The following MET variants were observed in gnomAD, a reference collection of about 807,000 sequenced individuals.
MET encodes hepatocyte growth factor receptor.
MET carries 48 observed loss-of-function variants against 133.1 expected under a neutral mutation model. The ratio of observed to expected loss-of-function variants is 0.36; its 90% CI spans 0.29 to 0.46. The LOEUF (loss-of-function observed/expected upper bound fraction) is 0.46. Among genes scored for constraint, MET ranks in the 20% least tolerant of loss-of-function variants. The pLI is 1.00. For missense variants in MET, 1,442 were observed against 1,695.9 expected, an observed-to-expected ratio of 0.85 and a Z score of 2.63; for synonymous variants, 628 against 616.5, an observed-to-expected ratio of 1.02 and a Z score of -0.28.
At chr7:116,743,763 G>A (rs1002609864) in intron 5 of MET, among the ~76,000 whole-genome samples, 4 of 152,280 alleles carry the variant, frequency 2.6e-5, no homozygotes, top group African/African-American at 7.2e-5. Flanking sequence ...AGCAGGGGTC[G>A]ACAGACACCT....
chr7:116,728,223 T>C (rs1323269142), intron 2 of MET, among the ~76,000 whole-genome samples: 1 of 152,240 alleles, frequency 6.6e-6, no homozygotes, highest in Non-Finnish European at 1.5e-5. Context: ...TTTTTAGCTC[T>C]AAATCACACA....
chr7:116,778,787 A>C lies in MET; in HGVS notation c.3352A>C (p.Ile1118Leu), dbSNP rs755234697. 6.2e-7 allele frequency: 1 copy of C among 1,613,876 alleles called. No individual in the cohort carries two copies. Among genetic ancestry groups the C allele is most frequent in the Non-Finnish European group, 8.5e-7 (1 of 1,179,936 alleles). ...AVKSLNRITD[I>L]GEVSQFLTEG... The stretch of plus-strand genomic sequence containing the variant: ...ACTGGATTTCTCAGGAATCACTGAC[A>C]TAGGAGAAGTTTCCCAATTTCTGAC... Residue 1118 changes from isoleucine to leucine, a missense_variant, in exon 17 of 21, where the codon ATA becomes CTA. Transcript: ENST00000397752.
At position 116,731,821 on chromosome 7, in the gene MET, A is replaced by G. The variant is rs1793018926; in HGVS notation, c.1354A>G (p.Ile452Val). 1.2e-6 allele frequency: 2 copies of G among 1,614,106 alleles called. No homozygotes were observed. The highest frequency in any genetic ancestry group is 1.1e-5 in the South Asian group (1 of 91,084). Residue 452 changes from isoleucine to valine, a missense_variant, in exon 3 of 21, where the codon ATA becomes GTA. By Grantham distance (29) the Ile-to-Val change is conservative (BLOSUM62 3). Around this residue, in one of 6 missense-constraint regions of MET, gnomAD observed 762 missense variants for 792.4 expected, o/e 0.96. Transcript: ENST00000397752. Reference sequence around the variant, plus strand: ...CACCTTCATTAAAGGAGACCTCACCATAGCTAATCTTGGGACATCAGAGGG... The same window carrying G: ...CACCTTCATTAAAGGAGACCTCACCGTAGCTAATCTTGGGACATCAGAGGG... ...ISTFIKGDLT[I>V]ANLGTSEGRF...
intron 2 of MET, among the ~76,000 whole-genome samples, chr7:116,729,716 A>G (rs1242004149): frequency 6.6e-6 from 1 of 152,170 alleles, no homozygotes; most frequent in African/African-American, 2.4e-5. Flanking sequence ...ACCAATTCCC[A>G]GCTATCTCCT....
At chr7:116,729,472 A>G (rs1792912371) in intron 2 of MET, among the ~76,000 whole-genome samples, 1 of 152,242 alleles carries the variant, frequency 6.6e-6, no homozygotes, top group Admixed American at 6.5e-5. Flanking sequence ...ATACAGAAGG[A>G]TAACTAAACT....
chr7:116,772,049 A>G (rs2116999129), intron 14 of MET, 60 bp downstream of exon 14: 2 of 1,582,450 alleles, frequency 1.3e-6, no homozygotes, highest in South Asian at 1.1e-5. Flanking sequence ...GGGTTGTGAC[A>G]TTGTTGTTTA....
rs116870479 is a variant in MET, at chr7:116,694,623, C to T, written c.-14-4448C>T. Among the ~76,000 whole-genome samples the T allele has an allele frequency of 1.5e-3, 227 of 152,190 alleles. 7 individuals carry two copies. The East Asian group carries it at 0.038, about 26-fold the overall frequency. On this transcript the variant is annotated intron_variant, in intron 1 of 20. Transcript: ENST00000397752. ...TTTAGTACAGTGTGTGACTTATGTG[C>T]GAACCTTAAGATATGAATCTTATTT...
In MET at chr7:116,782,116, G is replaced by A; in HGVS notation, c.3632+19G>A. 1.3e-6 allele frequency: 2 copies of A among 1,514,896 alleles called. No homozygotes were observed. The highest frequency in any genetic ancestry group is 1.4e-5 in the African/African-American group (1 of 73,088). The allele number at this position is 1,514,896 out of a possible 1,614,324, so 93.8% of individuals were successfully genotyped here. On this transcript the variant is annotated intron_variant, in intron 18 of 20. Coordinates refer to ENST00000397752, the MANE Select transcript of MET (RefSeq NM_000245.4). ...ACTGTATGTAAGTATCAGAATCTCTGTGCCACAATCCAAATTAAGTGACAA... is the reference window on the plus strand; with the variant it reads ...ACTGTATGTAAGTATCAGAATCTCTATGCCACAATCCAAATTAAGTGACAA...
At chr7:116,750,741 C>A (rs925805779) in intron 5 of MET, among the ~76,000 whole-genome samples, 4 of 151,970 alleles carry the variant, frequency 2.6e-5, no homozygotes, top group East Asian at 3.9e-4. Flanking sequence ...AGGAAAAAAA[C>A]CATCAAAAAG....
intron 19 of MET, among the ~76,000 whole-genome samples, chr7:116,784,128 T>A (rs1361719900): frequency 6.6e-6 from 1 of 152,118 alleles, no homozygotes. Flanking sequence ...GATCCAGGTG[T>A]GGCAGAAGAG....
At position 116,704,522 on chromosome 7, in the gene MET, T is replaced by A. The variant is rs573919186; in HGVS notation, c.1200+4238T>A. On this transcript the variant is annotated intron_variant, in intron 2 of 20. Coordinates refer to ENST00000397752, the MANE Select transcript of MET (RefSeq NM_000245.4). ...AAGACAAATTCAAATGATTGGATTA[T>A]TCTCTGGAAGAGGCACATTCTGGTT... 2.0e-5 allele frequency among the ~76,000 whole-genome samples: 3 copies of A among 152,296 alleles called. No individual in the cohort carries two copies. In the East Asian group the frequency reaches 5.8e-4, roughly 29 times the overall value.
At chr7:116,767,872 A>C (rs1794681334) in intron 11 of MET, among the ~76,000 whole-genome samples, 1 of 150,510 alleles carries the variant, frequency 6.6e-6, no homozygotes, top group Admixed American at 6.7e-5. Context: ...TACCTTTTAA[A>C]ATTTTTCCTT....
chr7:116,788,928 A>G (rs1370807718), intron 19 of MET, among the ~76,000 whole-genome samples: 1 of 152,190 alleles, frequency 6.6e-6, no homozygotes, highest in African/African-American at 2.4e-5. Context: ...GAAATCACTC[A>G]CACCCTCCTC....
chr7:116,676,684 A>G (rs529104974), intron 1 of MET, among the ~76,000 whole-genome samples: 1 of 152,176 alleles, frequency 6.6e-6, no homozygotes, highest in Non-Finnish European at 1.5e-5. Flanking sequence ...TTGTCTTCAA[A>G]GGTGGGCTTT....
chr7:116,698,520 A>C (rs1321933627), intron 1 of MET, among the ~76,000 whole-genome samples: 1 of 152,204 alleles, frequency 6.6e-6, no homozygotes, highest in African/African-American at 2.4e-5. Context: ...TATAAACAGC[A>C]TGTGATCATA....
Position 116,795,775 on chromosome 7 carries a change from T to A in MET, c.3919T>A (p.Tyr1307Asn), listed in dbSNP as rs2117109019. 6.2e-7 allele frequency: 1 copy of A among 1,614,222 alleles called. No individual in the cohort carries two copies. The highest frequency in any genetic ancestry group is 8.5e-7 in the Non-Finnish European group (1 of 1,180,030). ...LQGRRLLQPE[Y>N]CPDPLYEVML... Reference sequence around the variant, plus strand: ...AGGGAGAAGACTCCTACAACCCGAATACTGCCCAGACCCCTTGTAAGTAGT... The same window carrying A: ...AGGGAGAAGACTCCTACAACCCGAAAACTGCCCAGACCCCTTGTAAGTAGT... Residue 1307 changes from tyrosine to asparagine, a missense_variant, in exon 20 of 21, where the codon TAC (tyrosine) becomes AAC (asparagine). Physicochemically the swap from Tyr to Asn is moderately radical, Grantham distance 143. Transcript: ENST00000397752.
intron 2 of MET, among the ~76,000 whole-genome samples, chr7:116,710,613 T>C (rs1791959187): frequency 6.6e-6 from 1 of 152,134 alleles, no homozygotes. Flanking sequence ...ACTGAAATTT[T>C]GGAGTTCACT....
intron 9 of MET, 115 bp downstream of exon 9, chr7:116,758,735 T>A: frequency 9.8e-7 from 1 of 1,021,240 alleles, no homozygotes; most frequent in East Asian, 2.5e-5. Context: ...GTTATGTTGC[T>A]TTTGAAGGCT....
intron 19 of MET, among the ~76,000 whole-genome samples, chr7:116,787,987 C>T (rs975264265): frequency 1.3e-5 from 2 of 152,032 alleles, no homozygotes; most frequent in Non-Finnish European, 2.9e-5. Flanking sequence ...ATGGACTAAA[C>T]CATTCATCAA....
Sources: gnomAD v4.1 joint callset for allele counts (sites outside exome capture counted in the v4.1 genomes callset) on GRCh38, gnomAD v4.1.1 for gene constraint, gnomAD v4.1.1 regional missense constraint, MANE v1.5 for transcripts, NCBI Gene and HGNC (gene_info 2026-07-23, HGNC 2026-07-21) for gene names.